The following MAN1B1 variants were observed in gnomAD, a reference collection of about 807,000 sequenced individuals.
The protein encoded by MAN1B1 is endoplasmic reticulum mannosyl-oligosaccharide 1,2-alpha-mannosidase.
Under a neutral mutation model 75.5 loss-of-function variants are expected in MAN1B1, and 66 were observed. The observed-to-expected ratio is 0.87, with a 90% CI of 0.72 to 1.07. The LOEUF is 1.07. Ranked by LOEUF, MAN1B1 falls within the 50% of genes least tolerant of loss-of-function variation. The probability of loss-of-function intolerance (pLI) is 0.00; values close to 1 mark genes in which losing one functional copy is unlikely to be tolerated. For synonymous variants in MAN1B1, 453 were observed against 382.8 expected (o/e 1.18, Z -2.14); for missense variants, 973 against 912.5 (o/e 1.07, Z -0.85).
At position 137,088,084 on chromosome 9, in the gene MAN1B1, C is replaced by T. The variant is rs1830422313; in HGVS notation, c.229C>T (p.Gln77Ter). The T allele has an allele frequency of 6.2e-7, 1 of 1,613,782 alleles. No individual in the cohort carries two copies. The highest frequency in any genetic ancestry group is 1.1e-5 in the South Asian group (1 of 91,080). Residue 77 changes from glutamine to a stop codon, truncating the protein, a stop_gained, in exon 2 of 13, where the codon CAA becomes TAA. Coordinates refer to ENST00000371589, the MANE Select transcript of MAN1B1 (RefSeq NM_016219.5). LOFTEE classifies it high-confidence loss of function. The stretch of plus-strand genomic sequence containing the variant: ...TCTGTACCTCCCTTAGAAATGGAAG[C>T]AACTGTCGAGATTGCAGCGGAATAT... ...RRRSCWRKWK[Q>*]LSRLQRNMIL...
Position 137,108,714 on chromosome 9 carries a change from T to C in MAN1B1, c.*123T>C. ...AGTGGCCCAGGCTCTGAACTGGCTC[T>C]GGGCTCCTCCTCGTCTCTGCTTTAA... On this transcript the variant is annotated 3_prime_UTR_variant, in exon 13 of 13. Transcript: ENST00000371589. 1 of 893,258 alleles carries C rather than the reference T, an allele frequency of 1.1e-6. No homozygotes were observed. 55.3% of individuals were successfully genotyped at this position (893,258 alleles called of 1,614,324 possible).
At chr9:137,103,546 A>G in intron 8 of MAN1B1, 1 of 450,710 alleles carries the variant, frequency 2.2e-6, no homozygotes, top group South Asian at 1.6e-5. Flanking sequence ...ACGCTGTTGC[A>G]GGCGTGCAGG....
Position 137,106,825 on chromosome 9 carries a change from G to A in MAN1B1, c.1566+16G>A. Reference sequence around the variant, plus strand: ...TGCCAAGATGGTGAGTGTGTCTGCGGGGCCTTCCGGCCGCCGCCCCTTTTA... The same window carrying A: ...TGCCAAGATGGTGAGTGTGTCTGCGAGGCCTTCCGGCCGCCGCCCCTTTTA... On this transcript the variant is annotated intron_variant, in intron 10 of 12. Transcript: ENST00000371589. 6.2e-7 allele frequency: 1 copy of A among 1,611,880 alleles called. No individual in the cohort carries two copies. The highest frequency in any genetic ancestry group is 8.5e-7 in the Non-Finnish European group (1 of 1,179,390).
intron 5 of MAN1B1, 119 bp from the exon 6 acceptor site, chr9:137,099,577 C>A: frequency 8.6e-7 from 1 of 1,159,298 alleles, no homozygotes; most frequent in Non-Finnish European, 1.3e-6. Flanking sequence ...TCCCGTCGTC[C>A]CAAACCCACC....
intron 5 of MAN1B1, among the ~76,000 whole-genome samples, chr9:137,098,275 A>T (rs1407363112): frequency 6.6e-6 from 1 of 152,196 alleles, no homozygotes; most frequent in African/African-American, 2.4e-5. Flanking sequence ...GGGCCACTTC[A>T]TTCTCAGCAC....
chr9:137,104,163 GTT>G (rs1831011995), intron 8 of MAN1B1: 2 of 431,366 alleles, frequency 4.6e-6, no homozygotes, highest in African/African-American at 2.0e-5. Flanking sequence ...GAAAAACACT[GTT>G]CAGGTTTTTC....
At position 137,106,150 on chromosome 9, in the gene MAN1B1, A is replaced by C. The variant is rs369865587; in HGVS notation, c.1280A>C (p.His427Pro). ...GAGGCAGTGGAGAAGGTGACACAGC[A>C]CATCCACGGCCTGTCTGGGAAGAAG... ...FQEAVEKVTQ[H>P]IHGLSGKKDG... The change falls in exon 9 of 13, where the codon CAC becomes CCC. Residue 427 changes from histidine (H) to proline (P), a missense_variant. Transcript: ENST00000371589. 6.2e-7 allele frequency: 1 copy of C among 1,612,898 alleles called. No individual in the cohort carries two copies. Among genetic ancestry groups the C allele is most frequent in the Non-Finnish European group, 8.5e-7 (1 of 1,179,932 alleles).
chr9:137,106,338 C>T (rs1184061275), intron 9 of MAN1B1, 23 bp downstream of exon 9: 1 of 1,541,914 alleles, frequency 6.5e-7, no homozygotes, highest in African/African-American at 1.4e-5. Context: ...CCGCTGCCCC[C>T]AGCTCCCGCG....
intron 3 of MAN1B1, among the ~76,000 whole-genome samples, chr9:137,094,730 A>C (rs1310411167): frequency 6.6e-6 from 1 of 151,726 alleles, no homozygotes; most frequent in Non-Finnish European, 1.5e-5. Flanking sequence ...AATACAAAAA[A>C]TTAACCTGGA....
In MAN1B1 at chr9:137,087,035, C is replaced by A; in HGVS notation, c.36C>A (p.Leu12=). ...GCGAGGGCAGGAGAAGCGGAGCTCT[C>A]GGTTCCTCTCAGTCGGACTTCCTGA... is the stretch of plus-strand genomic sequence containing the variant. ...AACEGRRSGA[L]GSSQSDFLTP... The change falls in exon 1 of 13, where the codon CTC becomes CTA. Residue 12 remains leucine, a synonymous_variant. Transcript: ENST00000371589. The A allele has an allele frequency of 6.2e-7, 1 of 1,603,066 alleles. No individual in the cohort carries two copies. Among genetic ancestry groups the A allele is most frequent in the Non-Finnish European group, 8.5e-7 (1 of 1,176,600 alleles).
chr9:137,087,447 A>G (rs1475875836), intron 1 of MAN1B1: 7 of 700,284 alleles, frequency 1.0e-5, no homozygotes, highest in Non-Finnish European at 1.8e-5. Context: ...TGGTGGGAAG[A>G]GGGCTCAGAG....
chr9:137,104,184 C>T (rs918854114), intron 8 of MAN1B1: 8 of 414,324 alleles, frequency 1.9e-5, no homozygotes, highest in African/African-American at 1.2e-4. Flanking sequence ...TCTTCCTGGA[C>T]CTCATTGTGT....
rs779292130 is a variant in MAN1B1, at chr9:137,087,536, C to T, written c.219+318C>T. ...CGCCTGCCCCTCTTGGAGCGGAAAC[C>T]GGAGGTTCCCCGTGGTGTATGCTCC... On this transcript the variant is annotated intron_variant, in intron 1 of 12. Coordinates refer to ENST00000371589, the MANE Select transcript of MAN1B1 (RefSeq NM_016219.5). 3 of 587,604 alleles carry T rather than the reference C, an allele frequency of 5.1e-6. No individual in the cohort carries two copies. In the Admixed American group the frequency reaches 6.5e-5, roughly 13 times the overall value. The allele number at this position is 587,604 out of a possible 1,614,324, so 36.4% of individuals were successfully genotyped here.
intron 5 of MAN1B1, 99 bp from the exon 6 acceptor site, chr9:137,099,597 G>T (rs1830749174): frequency 1.5e-6 from 2 of 1,323,782 alleles, no homozygotes; most frequent in Non-Finnish European, 2.2e-6. Context: ...CGTCATCTTT[G>T]CCCCATGGGG....
At chr9:137,087,518 C>G (rs755043135) in intron 1 of MAN1B1, 7 of 617,828 alleles carry the variant, frequency 1.1e-5, no homozygotes, top group Non-Finnish European at 1.8e-5. Flanking sequence ...AGGCGCCTGC[C>G]CCTCTTGGAG....
rs1358277451 is a variant in MAN1B1 at position 137,093,380 on chromosome 9, G to GAA, written c.466-2853_466-2852dup. On this transcript the variant is annotated intron_variant, in intron 3 of 12. Coordinates refer to ENST00000371589, the MANE Select transcript of MAN1B1 (RefSeq NM_016219.5). ...CTGGGTGATAGTGAGACTCAGTCTC[G>GAA]AAAAAGAAAAGAAAAGTGATCTCCA... Among the ~76,000 whole-genome samples the GAA allele has an allele frequency of 8.6e-5, 13 of 152,022 alleles. No homozygotes were observed. In the East Asian group the frequency reaches 2.5e-3, roughly 29 times the overall value.
Position 137,086,988 on chromosome 9 carries a change from G to A in MAN1B1, c.-12G>A. The stretch of plus-strand genomic sequence containing the variant: ...GTATCCGTGTGATGGGCGGGCTGTT[G>A]ACGGCGCTGCGATGGCTGCCTGCGA... On this transcript the variant is annotated 5_prime_UTR_variant, in exon 1 of 13. Transcript: ENST00000371589. The A allele has an allele frequency of 6.3e-7, 1 of 1,583,278 alleles. No individual in the cohort carries two copies. Among genetic ancestry groups the A allele is most frequent in the South Asian group, 1.2e-5 (1 of 86,608 alleles).
Position 137,093,765 on chromosome 9 carries a change from C to T in MAN1B1, c.466-2472C>T, listed in dbSNP as rs550674570. On this transcript the variant is annotated intron_variant, in intron 3 of 12. Transcript: ENST00000371589. ...AGGAGAATGGCGTGAACCTGGGAGG[C>T]GGAGGTTGCAGTGAGCCGAGATCGC... Among the ~76,000 whole-genome samples, 8 of 151,300 alleles carry T rather than the reference C, an allele frequency of 5.3e-5. No homozygotes were observed. In the East Asian group the frequency reaches 8.0e-4, roughly 15 times the overall value.
chr9:137,106,822 G>C lies in MAN1B1; in HGVS notation c.1566+13G>C. On this transcript the variant is annotated intron_variant, in intron 10 of 12. Transcript: ENST00000371589. The stretch of plus-strand genomic sequence containing the variant: ...CAGTGCCAAGATGGTGAGTGTGTCT[G>C]CGGGGCCTTCCGGCCGCCGCCCCTT... 8.1e-6 allele frequency: 13 copies of C among 1,612,288 alleles called. No individual in the cohort carries two copies. The highest frequency in any genetic ancestry group is 1.1e-5 in the Non-Finnish European group (13 of 1,179,514).
Sources: allele counts gnomAD v4.1 joint callset (sites outside exome capture counted in the v4.1 genomes callset), GRCh38; gene constraint gnomAD v4.1.1; transcripts MANE v1.5; gene names NCBI Gene and HGNC (gene_info 2026-07-23, HGNC 2026-07-21).